Variants in FCER1A observed in about 807,000 individuals in gnomAD.
The protein encoded by FCER1A is Fc epsilon receptor Ia.
FCER1A carries 24 observed loss-of-function variants against 23.6 expected under a neutral mutation model. The observed-to-expected ratio is 1.02, with a 90% CI of 0.74 to 1.43. FCER1A has a LOEUF of 1.43. FCER1A is among the 40% of genes most tolerant of loss of function. FCER1A has a pLI of 0.00. For missense variants in FCER1A, 318 were observed against 294.5 expected, an observed-to-expected ratio of 1.08 and a Z score of -0.58; for synonymous variants, 121 against 108.8, an observed-to-expected ratio of 1.11 and a Z score of -0.70.
Position 159,306,032 on chromosome 1 carries a change from C to A in FCER1A, c.376C>A (p.Gln126Lys), listed in dbSNP as rs1652599733. The A allele has an allele frequency of 2.5e-6, 4 of 1,613,810 alleles. No homozygotes were observed. The highest frequency in any genetic ancestry group is 3.4e-6 in the Non-Finnish European group (4 of 1,179,906). Residue 126 changes from glutamine to lysine, a missense_variant, in exon 4 of 5, where the codon CAG becomes AAG. Coordinates refer to ENST00000693622, the MANE Select transcript of FCER1A (RefSeq NM_001387280.1). The part of the protein sequence containing the change: ...QASAEVVMEG[Q>K]PLFLRCHGWR... The stretch of plus-strand genomic sequence containing the variant: ...CTCTGCTGAGGTGGTGATGGAGGGC[C>A]AGCCCCTCTTCCTCAGGTGCCATGG...
chr1:159,294,915 T>C (rs1023422876), intron 1 of FCER1A, among the ~76,000 whole-genome samples: 3 of 152,176 alleles, frequency 2.0e-5, no homozygotes, highest in Non-Finnish European at 4.4e-5. Flanking sequence ...TCTGAAAAAT[T>C]AGAAAATATA....
intron 4 of FCER1A, 30 bp from the exon 5 acceptor site, chr1:159,307,718 G>A: frequency 6.6e-7 from 1 of 1,519,068 alleles, no homozygotes; most frequent in Non-Finnish European, 9.0e-7. Context: ...GATGAATTAT[G>A]TTTCTCATTG....
At chr1:159,289,248 G>A (rs2102213707), upstream of FCER1A, among the ~76,000 whole-genome samples, 1 of 152,250 alleles carries the variant, frequency 6.6e-6, no homozygotes, top group Middle Eastern at 3.4e-3. Context: ...CTGTCAACCT[G>A]GCAGGCAAGA....
intron 3 of FCER1A, 94 bp downstream of exon 3, chr1:159,304,276 C>T: frequency 7.9e-7 from 1 of 1,260,796 alleles, no homozygotes; most frequent in South Asian, 1.4e-5. Flanking sequence ...GGTTAGGACA[C>T]CAGAGTGGGA....
rs1266289070 is a variant in FCER1A at position 159,306,168 on chromosome 1, G to A, written c.512G>A (p.Ser171Asn). Residue 171 changes from serine (S) to asparagine (N), a missense_variant, in exon 4 of 5, where the codon AGT becomes AAT. Ser to Asn is a conservative substitution (Grantham distance 46, BLOSUM62 1). Transcript: ENST00000693622. ...ATTACAAATGCCACAGTTGAAGACAGTGGAACCTACTACTGTACGGGCAAA... is the reference window on the plus strand; with the variant it reads ...ATTACAAATGCCACAGTTGAAGACAATGGAACCTACTACTGTACGGGCAAA... ...ISITNATVED[S>N]GTYYCTGKVW... 1 of 1,614,170 alleles carries A rather than the reference G, an allele frequency of 6.2e-7. No homozygotes were observed. The highest frequency in any genetic ancestry group is 8.5e-7 in the Non-Finnish European group (1 of 1,179,992).
At chr1:159,288,343 T>C (rs990800844), upstream of FCER1A, among the ~76,000 whole-genome samples, 1 of 152,118 alleles carries the variant, frequency 6.6e-6, no homozygotes, top group Non-Finnish European at 1.5e-5. Context: ...TTTTTCTAAT[T>C]ACCAAATTCA....
chr1:159,296,038 TAAC>T (rs1451646731), intron 1 of FCER1A, among the ~76,000 whole-genome samples: 2 of 152,304 alleles, frequency 1.3e-5, no homozygotes, highest in Non-Finnish European at 2.9e-5. Context: ...TAACATGTAA[TAAC>T]AATATTTTGA....
chr1:159,304,025 A>G lies in FCER1A; in HGVS notation c.174A>G (p.Glu58=), dbSNP rs1390843139. 3 of 1,614,114 alleles carry G rather than the reference A, an allele frequency of 1.9e-6. No homozygotes were observed. Among genetic ancestry groups the G allele is most frequent in the Middle Eastern group, 1.6e-4 (1 of 6,062 alleles). ...TLTCNGNNFF[E]VSSTKWFHNG... is the part of the protein sequence containing the mutation. The stretch of plus-strand genomic sequence containing the variant: ...CATGTAATGGGAACAATTTCTTTGA[A>G]GTCAGTTCCACCAAATGGTTCCACA... Residue 58 remains glutamate, a synonymous_variant, in exon 3 of 5, where the codon GAA becomes GAG. Coordinates refer to ENST00000693622, the MANE Select transcript of FCER1A (RefSeq NM_001387280.1).
chr1:159,285,385 T>C (rs1571071861), upstream of FCER1A, among the ~76,000 whole-genome samples: 1 of 152,196 alleles, frequency 6.6e-6, no homozygotes, highest in Admixed American at 6.5e-5. Flanking sequence ...AAATTTGTTA[T>C]ATCTTCTGTA....
the FCER1A span, among the ~76,000 whole-genome samples, chr1:159,283,594 T>C: frequency 2.6e-4 from 40 of 152,290 alleles, 2 homozygotes; most frequent in African/African-American, 9.6e-4. Context: ...CTGAGTCTAC[T>C]CAGAGAAAGC....
intron 1 of FCER1A, among the ~76,000 whole-genome samples, chr1:159,296,406 G>A (rs1652294271): frequency 6.6e-6 from 1 of 152,148 alleles, no homozygotes; most frequent in African/African-American, 2.4e-5. Context: ...AGACTGATAT[G>A]AGAATAAGGT....
At chr1:159,290,624 T>C (rs1465171354) in intron 1 of FCER1A, among the ~76,000 whole-genome samples, 2 of 152,174 alleles carry the variant, frequency 1.3e-5, no homozygotes, top group African/African-American at 4.8e-5. Context: ...GGCTTTGCCA[T>C]TCACTAGTTG....
At chr1:159,287,458 C>CTAAT (rs1179575395), upstream of FCER1A, among the ~76,000 whole-genome samples, 2 of 152,030 alleles carry the variant, frequency 1.3e-5, no homozygotes, top group African/African-American at 4.8e-5. Context: ...TTCTGTGATA[C>CTAAT]TAATTACCAT....
At chr1:159,307,417 C>T (rs1214475526) in intron 4 of FCER1A, among the ~76,000 whole-genome samples, 1 of 152,092 alleles carries the variant, frequency 6.6e-6, no homozygotes. Context: ...TCACTTTGTC[C>T]CCTTTCCACC....
chr1:159,303,827 T>C (rs1652513928), intron 2 of FCER1A, 101 bp from the exon 3 acceptor site: 1 of 880,448 alleles, frequency 1.1e-6, no homozygotes, highest in African/African-American at 1.7e-5. Context: ...GGTTGACCAC[T>C]GATTGTCAGA....
chr1:159,283,882 C>G, the FCER1A span, among the ~76,000 whole-genome samples: 1 of 151,900 alleles, frequency 6.6e-6, no homozygotes, highest in African/African-American at 2.4e-5. Context: ...GAGAATTCCT[C>G]CATGCTACTA....
intron 1 of FCER1A, among the ~76,000 whole-genome samples, chr1:159,295,338 C>T (rs6665683): frequency 0.06 from 9,042 of 151,856 alleles, 869 homozygotes; most frequent in African/African-American, 0.21. Context: ...CTTAATTTGT[C>T]GGTCACTAGA....
the FCER1A span, among the ~76,000 whole-genome samples, chr1:159,283,609 G>GA: frequency 6.6e-6 from 1 of 152,218 alleles, no homozygotes; most frequent in South Asian, 2.1e-4. Flanking sequence ...GAAAGCAGGT[G>GA]AAAAAACCTT....
intron 1 of FCER1A, among the ~76,000 whole-genome samples, chr1:159,292,167 T>C (rs1162619113): frequency 1.3e-5 from 2 of 152,176 alleles, no homozygotes; most frequent in Non-Finnish European, 2.9e-5. Context: ...CTCAGTGGCT[T>C]TAAAGTATGC....
Sources: allele counts gnomAD v4.1 joint callset (sites outside exome capture counted in the v4.1 genomes callset), GRCh38; gene constraint gnomAD v4.1.1; transcripts MANE v1.5; gene names NCBI Gene and HGNC (gene_info 2026-07-23, HGNC 2026-07-21).